Variants in RGS20 observed in about 807,000 individuals in gnomAD.
RGS20 encodes gz-selective GTPase-activating protein.
A neutral mutation model predicts 33.6 loss-of-function variants in RGS20; 30 were observed. That is an observed-to-expected ratio of 0.89 (90% confidence interval 0.67 to 1.21). The LOEUF is 1.21. Ranked by LOEUF, RGS20 falls within the 50% of genes most tolerant of loss-of-function variation. The pLI is 0.00. For missense variants in RGS20, 472 were observed against 502.4 expected (o/e 0.94, Z 0.58); for synonymous variants, 208 against 197.9 (o/e 1.05, Z -0.43).
chr8:53,891,678 T>C (rs2129277771), intron 2 of RGS20, among the ~76,000 whole-genome samples: 1 of 152,344 alleles, frequency 6.6e-6, no homozygotes, highest in Non-Finnish European at 1.5e-5. Flanking sequence ...ATTTTCTGTG[T>C]ATTACATTGT....
chr8:53,892,111 G>A (rs1812726404), intron 2 of RGS20, among the ~76,000 whole-genome samples: 1 of 151,982 alleles, frequency 6.6e-6, no homozygotes, highest in South Asian at 2.1e-4. Context: ...TCATTGTTCA[G>A]TTCCCACCTA....
intron 2 of RGS20, among the ~76,000 whole-genome samples, chr8:53,912,669 T>C (rs1202017411): frequency 6.6e-6 from 1 of 152,190 alleles, no homozygotes; most frequent in Non-Finnish European, 1.5e-5. Context: ...ATTTTATTTG[T>C]GTATATATAC....
Position 53,958,623 on chromosome 8 carries a change from C to A in RGS20, c.*165C>A. On this transcript the variant is annotated 3_prime_UTR_variant, in exon 6 of 6. Transcript: ENST00000297313. ...GACTGCTATATATTCACCATGTAAA[C>A]TGCAGCCACCTTTAGTGATACTTTT... is the stretch of plus-strand genomic sequence containing the variant. 2.8e-6 allele frequency: 1 copy of A among 358,862 alleles called. No homozygotes were observed. The highest frequency in any genetic ancestry group is 4.8e-6 in the Non-Finnish European group (1 of 207,018). The allele number at this position is 358,862 out of a possible 1,614,324, so 22.2% of individuals were successfully genotyped here.
chr8:53,885,132 A>G (rs1812503902), intron 2 of RGS20, among the ~76,000 whole-genome samples: 2 of 152,366 alleles, frequency 1.3e-5, no homozygotes, highest in African/African-American at 4.8e-5. Flanking sequence ...TAGCGAGAGT[A>G]AAAGAGAAAA....
intron 4 of RGS20, among the ~76,000 whole-genome samples, chr8:53,947,461 T>C (rs990645700): frequency 7.1e-6 from 1 of 140,448 alleles, no homozygotes; most frequent in Non-Finnish European, 1.5e-5. Context: ...ATATGCTATA[T>C]ATAAGATATA....
chr8:53,956,159 G>T (rs1261933039), intron 5 of RGS20, among the ~76,000 whole-genome samples: 1 of 152,198 alleles, frequency 6.6e-6, no homozygotes, highest in Non-Finnish European at 1.5e-5. Context: ...GCAGGATGGG[G>T]ACATCCCAGG....
At chr8:53,920,791 C>T (rs188086890) in intron 2 of RGS20, among the ~76,000 whole-genome samples, 1 of 152,260 alleles carries the variant, frequency 6.6e-6, no homozygotes, top group Admixed American at 6.5e-5. Flanking sequence ...GGCAGTCTCA[C>T]TCTGTTGCCC....
rs115591291 is a variant in RGS20 at position 53,920,148 on chromosome 8, T to C, written c.511-19428T>C. Among the ~76,000 whole-genome samples the C allele has an allele frequency of 3.3e-3, 510 of 152,292 alleles. 4 individuals are homozygous for C. Among genetic ancestry groups the C allele is most frequent in the African/African-American group, 0.012 (489 of 41,554 alleles). ...CCTCAGCCTCCCAAAGTGCTGGAAT[T>C]ATAGATGTGAGCCATCATGCCCAGA... On this transcript the variant is annotated intron_variant, in intron 2 of 5. Coordinates refer to ENST00000297313, the MANE Select transcript of RGS20 (RefSeq NM_170587.4).
intron 2 of RGS20, among the ~76,000 whole-genome samples, chr8:53,933,201 T>C (rs1050285652): frequency 1.3e-5 from 2 of 152,126 alleles, no homozygotes; most frequent in Non-Finnish European, 2.9e-5. Flanking sequence ...GAATGTCTCT[T>C]CTACTCCAAA....
chr8:53,882,794 A>T (rs1201542501), intron 2 of RGS20, among the ~76,000 whole-genome samples: 1 of 152,116 alleles, frequency 6.6e-6, no homozygotes, highest in African/African-American at 2.4e-5. Context: ...TAGCGGAATT[A>T]GGCACCTGCA....
intron 3 of RGS20, among the ~76,000 whole-genome samples, chr8:53,940,958 C>G (rs1814273898): frequency 1.3e-5 from 2 of 152,194 alleles, no homozygotes. Context: ...GCCAGTAGGT[C>G]TCAGTGGGGA....
At chr8:53,951,287 C>T (rs1814702105) in intron 4 of RGS20, among the ~76,000 whole-genome samples, 1 of 152,058 alleles carries the variant, frequency 6.6e-6, no homozygotes, top group Non-Finnish European at 1.5e-5. Flanking sequence ...GAGTTTGAGA[C>T]CAGCCTGAGC....
intron 2 of RGS20, among the ~76,000 whole-genome samples, chr8:53,918,000 G>T (rs574354914): frequency 6.6e-6 from 1 of 152,110 alleles, no homozygotes. Context: ...GGACTTCGGG[G>T]TCTTGATTCC....
chr8:53,909,213 A>ATGTGTGTG (rs1370693848), intron 2 of RGS20, among the ~76,000 whole-genome samples: 18 of 21,570 alleles, frequency 8.3e-4, no homozygotes, highest in African/African-American at 2.8e-3. Context: ...ATGTGTGTAT[A>ATGTGTGTG]TATATATATA....
intron 2 of RGS20, among the ~76,000 whole-genome samples, chr8:53,920,321 A>T (rs1415103413): frequency 4.6e-5 from 7 of 152,160 alleles, no homozygotes; most frequent in Admixed American, 4.6e-4. Flanking sequence ...CAGAATGTTC[A>T]CTGCTAGTGT....
In RGS20 at chr8:53,939,661, G is replaced by C. The variant is rs769026838; in HGVS notation, c.596G>C (p.Gly199Ala). Residue 199 changes from glycine to alanine, a missense_variant, in exon 3 of 6, where the codon GGA becomes GCA. Transcript: ENST00000297313. ...CCAGGCGCCGCCCCAGGCCAGCCCGGAGCGGGGAGTCGCGGGTCCAACGCA... is the reference window on the plus strand; with the variant it reads ...CCAGGCGCCGCCCCAGGCCAGCCCGCAGCGGGGAGTCGCGGGTCCAACGCA... 2.5e-6 allele frequency: 4 copies of C among 1,589,096 alleles called. No individual in the cohort carries two copies. Among genetic ancestry groups the C allele is most frequent in the Admixed American group, 3.6e-5 (2 of 55,040 alleles).
At chr8:53,935,896 C>T (rs1312914120) in intron 2 of RGS20, among the ~76,000 whole-genome samples, 1 of 152,178 alleles carries the variant, frequency 6.6e-6, no homozygotes, top group Non-Finnish European at 1.5e-5. Flanking sequence ...AAAGCTTATC[C>T]ACCACCATCA....
intron 2 of RGS20, among the ~76,000 whole-genome samples, chr8:53,899,769 A>C (rs922410125): frequency 2.0e-5 from 3 of 152,156 alleles, no homozygotes; most frequent in African/African-American, 7.2e-5. Context: ...GAGAAGAAAA[A>C]CTTGGTGGTC....
At chr8:53,946,465 A>G in intron 3 of RGS20, 200 bp from the exon 3 acceptor site, 2 of 629,068 alleles carry the variant, frequency 3.2e-6, no homozygotes, top group South Asian at 1.8e-5. Flanking sequence ...TAGAAACCAC[A>G]ACGTTTATTT....
Sources: gnomAD v4.1 joint callset for allele counts (sites outside exome capture counted in the v4.1 genomes callset) on GRCh38, gnomAD v4.1.1 for gene constraint, MANE v1.5 for transcripts, NCBI Gene and HGNC (gene_info 2026-07-23, HGNC 2026-07-21) for gene names.